The following KLRG1 variants were observed in gnomAD, a reference collection of about 807,000 sequenced individuals.
The protein encoded by KLRG1 is killer cell lectin like receptor G1, also known as killer cell lectin-like receptor subfamily G member 1.
A neutral mutation model predicts 21.8 loss-of-function variants in KLRG1; 16 were observed. The observed-to-expected ratio is 0.73, with a 90% CI of 0.50 to 1.11. KLRG1 has a LOEUF of 1.11. Among genes scored for constraint, KLRG1 ranks in the 50% most tolerant of loss-of-function variants. The pLI, the probability that KLRG1 is intolerant of heterozygous loss-of-function variation, is 0.00. For synonymous variants in KLRG1, 69 were observed against 75.9 expected, an observed-to-expected ratio of 0.91 and a Z score of 0.47; for missense variants, 173 against 218.3, an observed-to-expected ratio of 0.79 and a Z score of 1.31.
the KLRG1 span, among the ~76,000 whole-genome samples, chr12:9,108,566 C>A: frequency 3.3e-5 from 5 of 152,294 alleles, no homozygotes; most frequent in South Asian, 6.2e-4. Flanking sequence ...TTATGAGGAA[C>A]CAGGAACTTG....
the KLRG1 span, among the ~76,000 whole-genome samples, chr12:9,030,630 A>C: frequency 6.6e-6 from 1 of 151,628 alleles, no homozygotes; most frequent in African/African-American, 2.4e-5. Context: ...CTGGTCTCGA[A>C]CTCCTAACCT....
upstream of KLRG1, among the ~76,000 whole-genome samples, chr12:8,986,914 T>TCTCTTG (rs1946850894): frequency 6.6e-6 from 1 of 152,178 alleles, no homozygotes. Flanking sequence ...TCCCCGCGTC[T>TCTCTTG]CTCTTGCTCC....
At chr12:9,082,030 G>T in the KLRG1 span, among the ~76,000 whole-genome samples, 1 of 152,176 alleles carries the variant, frequency 6.6e-6, no homozygotes, top group African/African-American at 2.4e-5. Context: ...CAGCTTCAGA[G>T]GTTATGCCAG....
At chr12:9,114,798 T>C in the KLRG1 span, among the ~76,000 whole-genome samples, 3 of 152,146 alleles carry the variant, frequency 2.0e-5, no homozygotes, top group African/African-American at 7.2e-5. Context: ...TTAAATAGAA[T>C]GTAACCATAA....
the KLRG1 span, among the ~76,000 whole-genome samples, chr12:9,160,730 C>T: frequency 3.3e-5 from 5 of 151,940 alleles, no homozygotes; most frequent in African/African-American, 7.3e-5. Flanking sequence ...CTGGTGAACA[C>T]GGTGAAACCC....
the KLRG1 span, among the ~76,000 whole-genome samples, chr12:9,208,610 A>C: frequency 1.4e-4 from 22 of 152,268 alleles, no homozygotes; most frequent in African/African-American, 5.1e-4. Flanking sequence ...GAGCTTTGAC[A>C]GCAAACCTCC....
the KLRG1 span, chr12:9,077,213 T>C: frequency 1.1e-6 from 1 of 914,732 alleles, no homozygotes. Context: ...TCTCTGTAGA[T>C]CTGGGAAGCA....
the KLRG1 span, chr12:9,203,979 G>T: frequency 6.4e-7 from 1 of 1,566,096 alleles, no homozygotes; most frequent in Non-Finnish European, 8.7e-7. Flanking sequence ...CTAAATTAGA[G>T]AAAAACTGAT....
At chr12:9,020,457 A>G in the KLRG1 span, among the ~76,000 whole-genome samples, 1 of 152,088 alleles carries the variant, frequency 6.6e-6, no homozygotes, top group Admixed American at 6.5e-5. Flanking sequence ...ACTTTCTGTC[A>G]CTATATATCA....
chr12:9,124,477 G>T, the KLRG1 span, among the ~76,000 whole-genome samples: 1 of 152,178 alleles, frequency 6.6e-6, no homozygotes, highest in African/African-American at 2.4e-5. Flanking sequence ...CTCCCCGTGC[G>T]GCTGCAGCAC....
At chr12:8,986,950 C>T (rs1035076025), upstream of KLRG1, among the ~76,000 whole-genome samples, 2 of 152,158 alleles carry the variant, frequency 1.3e-5, no homozygotes, top group African/African-American at 4.8e-5. Flanking sequence ...AGACATTTCC[C>T]TTTGCCTTCC....
At chr12:9,063,949 T>C in the KLRG1 span, among the ~76,000 whole-genome samples, 1 of 152,212 alleles carries the variant, frequency 6.6e-6, no homozygotes, top group African/African-American at 2.4e-5. Context: ...ACGATTTCCA[T>C]ATGAACAAAG....
chr12:8,955,336 A>T (rs1946271691), intron 1 of KLRG1, among the ~76,000 whole-genome samples: 1 of 146,282 alleles, frequency 6.8e-6, no homozygotes, highest in African/African-American at 2.5e-5. Flanking sequence ...GCTCCTATCC[A>T]GTCATCTTCT....
the KLRG1 span, among the ~76,000 whole-genome samples, chr12:9,125,996 G>GT: frequency 6.6e-6 from 1 of 152,200 alleles, no homozygotes; most frequent in Non-Finnish European, 1.5e-5. Flanking sequence ...GCCTCCCAAA[G>GT]TGCTGGGATT....
chr12:9,026,705 A>T, the KLRG1 span, among the ~76,000 whole-genome samples: 7,802 of 151,192 alleles, frequency 0.052, 611 homozygotes, highest in African/African-American at 0.17. Context: ...CTTTTTTCTT[A>T]TCAATATGTA....
intron 1 of KLRG1, among the ~76,000 whole-genome samples, chr12:8,968,391 G>C (rs180904583): frequency 1.3e-5 from 2 of 152,236 alleles, no homozygotes; most frequent in East Asian, 3.9e-4. Context: ...AAGGGATAAG[G>C]GGTGATAATT....
the KLRG1 span, among the ~76,000 whole-genome samples, chr12:9,156,970 G>A: frequency 0.023 from 3,458 of 151,386 alleles, 134 homozygotes; most frequent in African/African-American, 0.078. Flanking sequence ...ACATGTGCAG[G>A]ATGTGCAGGT....
the KLRG1 span, among the ~76,000 whole-genome samples, chr12:9,172,433 C>G: frequency 6.6e-6 from 1 of 152,038 alleles, no homozygotes; most frequent in African/African-American, 2.4e-5. Context: ...ATCACATAAA[C>G]AAGTCTGCAA....
At chr12:9,162,829 T>C in the KLRG1 span, among the ~76,000 whole-genome samples, 2 of 152,180 alleles carry the variant, frequency 1.3e-5, no homozygotes, top group Non-Finnish European at 2.9e-5. Flanking sequence ...GTTTGTTACA[T>C]AGGTAAATGT....
Sources: allele counts gnomAD v4.1 joint callset (sites outside exome capture counted in the v4.1 genomes callset), GRCh38; gene constraint gnomAD v4.1.1; transcripts MANE v1.5; gene names NCBI Gene and HGNC (gene_info 2026-07-23, HGNC 2026-07-21).